NEDD4L: variants seen among roughly 807,000 people sequenced by gnomAD.
NEDD4L encodes E3 ubiquitin-protein ligase NEDD4-like.
In NEDD4L, 54 loss-of-function variants were observed where a neutral mutation model predicts 148.9. The ratio of observed to expected loss-of-function variants is 0.36; its 90% CI spans 0.29 to 0.45. The LOEUF is 0.45. Among genes scored for constraint, NEDD4L ranks in the 20% least tolerant of loss-of-function variants. The pLI is 1.00. For missense variants in NEDD4L, 856 were observed against 1,233.8 expected, an observed-to-expected ratio of 0.69 and a Z score of 4.59; for synonymous variants, 433 against 440.7, an observed-to-expected ratio of 0.98 and a Z score of 0.22.
At chr18:58,128,169 C>G (rs376737365) in intron 1 of NEDD4L, among the ~76,000 whole-genome samples, 72 of 152,296 alleles carry the variant, frequency 4.7e-4, no homozygotes, top group African/African-American at 1.6e-3. Context: ...GCCTCAGCCT[C>G]CCAAGTGGCT....
intron 1 of NEDD4L, among the ~76,000 whole-genome samples, chr18:58,148,163 C>CTTTTTTTTTTTTTTT (rs58114617): frequency 7.0e-6 from 1 of 141,922 alleles, no homozygotes; most frequent in Non-Finnish European, 1.5e-5. Context: ...CCACACTGTT[C>CTTTTTTTTTTTTTTT]TTTTTTTTTT....
chr18:58,108,406 T>C (rs113705960), intron 1 of NEDD4L, among the ~76,000 whole-genome samples: 10,477 of 152,234 alleles, frequency 0.069, 495 homozygotes, highest in Admixed American at 0.14. Flanking sequence ...TTTTATACTG[T>C]TATTATTTTA....
intron 5 of NEDD4L, among the ~76,000 whole-genome samples, chr18:58,281,895 G>A (rs1343515901): frequency 6.6e-6 from 1 of 151,748 alleles, no homozygotes; most frequent in Admixed American, 6.6e-5. Flanking sequence ...CGTGGTGGCA[G>A]TCACCTGTAG....
intron 5 of NEDD4L, among the ~76,000 whole-genome samples, chr18:58,307,592 C>T (rs977199127): frequency 5.3e-5 from 8 of 152,200 alleles, no homozygotes; most frequent in African/African-American, 1.9e-4. Context: ...AATAAAACCA[C>T]ACGGCACTTC....
At chr18:58,146,107 G>A (rs139933379) in intron 1 of NEDD4L, among the ~76,000 whole-genome samples, 2 of 152,276 alleles carry the variant, frequency 1.3e-5, no homozygotes, top group African/African-American at 4.8e-5. Context: ...GTCATTGCGA[G>A]GATTAAAGAG....
chr18:58,180,199 C>T lies in NEDD4L; in HGVS notation c.122+14338C>T, dbSNP rs185402068. Among the ~76,000 whole-genome samples, 164 of 152,346 alleles carry T rather than the reference C, an allele frequency of 1.1e-3. 1 individual carries two copies. The Middle Eastern group carries it at 0.014, about 13-fold the overall frequency. On this transcript the variant is annotated intron_variant, in intron 2 of 30. Coordinates refer to ENST00000400345, the MANE Select transcript of NEDD4L (RefSeq NM_001144967.3). ...ACGCATCCCTCTCCGAGCCGCGGTG[C>T]GCTCTTCCTCCTCTGTGCCTTGCCG... is the stretch of plus-strand genomic sequence containing the variant.
chr18:58,197,883 C>G (rs1254532597), intron 2 of NEDD4L: 3 of 152,270 alleles, frequency 2.0e-5, no homozygotes, highest in Non-Finnish European at 2.9e-5. Context: ...AGCCTCTCCC[C>G]TGAGCCTGCT....
intron 2 of NEDD4L, among the ~76,000 whole-genome samples, chr18:58,219,860 G>T (rs908272767): frequency 1.3e-5 from 2 of 151,840 alleles, no homozygotes; most frequent in Non-Finnish European, 2.9e-5. Context: ...ATCTTTAAGG[G>T]AATAGGCAAA....
intron 2 of NEDD4L, among the ~76,000 whole-genome samples, chr18:58,179,845 A>C (rs1468880366): frequency 6.6e-6 from 1 of 152,066 alleles, no homozygotes; most frequent in Non-Finnish European, 1.5e-5. Context: ...ATTACAATGT[A>C]ATAATAATAG....
chr18:58,238,233 T>C (rs1225927704), intron 2 of NEDD4L, among the ~76,000 whole-genome samples: 1 of 152,216 alleles, frequency 6.6e-6, no homozygotes, highest in Non-Finnish European at 1.5e-5. Flanking sequence ...GGCTGAAAGA[T>C]ATGTACGTTT....
intron 2 of NEDD4L, among the ~76,000 whole-genome samples, chr18:58,203,256 C>T (rs567881937): frequency 1.3e-4 from 20 of 152,246 alleles, no homozygotes; most frequent in African/African-American, 4.8e-5. Flanking sequence ...TGTAAGCCGC[C>T]GCACCTGGCC....
chr18:58,342,363 G>A (rs1341662021), intron 15 of NEDD4L, among the ~76,000 whole-genome samples: 1 of 152,164 alleles, frequency 6.6e-6, no homozygotes, highest in Admixed American at 6.5e-5. Context: ...AAGAGCAAAT[G>A]TTTGAGGTCC....
intron 5 of NEDD4L, 63 bp downstream of exon 5, chr18:58,252,117 C>T (rs916638076): frequency 1.1e-5 from 12 of 1,057,656 alleles, no homozygotes; most frequent in Admixed American, 1.7e-5. Flanking sequence ...TTCAGAGCAG[C>T]GTCTTTAAAA....
At chr18:58,061,011 C>T (rs910127358) in intron 1 of NEDD4L, among the ~76,000 whole-genome samples, 5 of 152,144 alleles carry the variant, frequency 3.3e-5, no homozygotes, top group South Asian at 2.1e-4. Context: ...GTACCGGTCT[C>T]GGCCTCCCAA....
At chr18:58,058,815 C>G (rs979630628) in intron 1 of NEDD4L, among the ~76,000 whole-genome samples, 3 of 152,220 alleles carry the variant, frequency 2.0e-5, no homozygotes, top group African/African-American at 4.8e-5. Flanking sequence ...TGCATAGTTA[C>G]TTCTACTGAA....
intron 22 of NEDD4L, among the ~76,000 whole-genome samples, chr18:58,369,154 G>A (rs2046493355): frequency 6.6e-6 from 1 of 152,182 alleles, no homozygotes; most frequent in South Asian, 2.1e-4. Flanking sequence ...CTTGGCTGGA[G>A]GCTCAGGGAA....
chr18:58,231,346 G>A lies in NEDD4L; in HGVS notation c.123-14081G>A, dbSNP rs1330173699. The stretch of plus-strand genomic sequence containing the variant: ...TTCAGACTGTAGGAATTCAGAGAGT[G>A]GAGAGGCTGGTTATTATGGGGGTGC... On this transcript the variant is annotated intron_variant, in intron 2 of 30. Transcript: ENST00000400345. Among the ~76,000 whole-genome samples, 7 of 152,062 alleles carry A rather than the reference G, an allele frequency of 4.6e-5. No individual in the cohort carries two copies. In the South Asian group the frequency reaches 1.0e-3, roughly 23 times the overall value.
At position 58,256,564 on chromosome 18, in the gene NEDD4L, T is replaced by G. The variant is rs1436751132; in HGVS notation, c.297+4510T>G. 3.2e-6 allele frequency: 4 copies of G among 1,232,182 alleles called. No homozygotes were observed. The highest frequency in any genetic ancestry group is 4.0e-6 in the Non-Finnish European group (4 of 988,128). The allele number at this position is 1,232,182 out of a possible 1,614,324, so 76.3% of individuals were successfully genotyped here. On this transcript the variant is annotated intron_variant, in intron 5 of 30. Coordinates refer to ENST00000400345, the MANE Select transcript of NEDD4L (RefSeq NM_001144967.3). This position sits in a 1 kb window ranked among gnomAD's most constrained non-coding sequence, Gnocchi z 5.2. The stretch of plus-strand genomic sequence containing the variant: ...ATCGGGGAGCCCTGGAGGCATCGCC[T>G]CGAGCTGGCAGGATGGCTCCTGAAA...
At chr18:58,384,815 C>T (rs993720722) in intron 25 of NEDD4L, among the ~76,000 whole-genome samples, 2 of 152,186 alleles carry the variant, frequency 1.3e-5, no homozygotes, top group Admixed American at 1.3e-4. Flanking sequence ...TACAGTGTAC[C>T]ACCCCGAAGG....
Sources: allele counts gnomAD v4.1 joint callset (sites outside exome capture counted in the v4.1 genomes callset), GRCh38; gene constraint gnomAD v4.1.1; non-coding constraint Gnocchi (gnomAD v3.1); transcripts MANE v1.5; gene names NCBI Gene and HGNC (gene_info 2026-07-23, HGNC 2026-07-21).